Variants in CNTN5 observed in about 807,000 individuals in gnomAD.
The protein encoded by CNTN5 is contactin 5.
Under a neutral mutation model 129.1 loss-of-function variants are expected in CNTN5, and 77 were observed. That is an observed-to-expected ratio of 0.60 (90% CI 0.50 to 0.72). CNTN5 has a LOEUF of 0.72. Among genes scored for constraint, CNTN5 ranks in the 30% least tolerant of loss-of-function variants. CNTN5 has a pLI of 0.00. For synonymous variants in CNTN5, 509 were observed against 465.6 expected (o/e 1.09, Z -1.20); for missense variants, 1,478 against 1,328.8 (o/e 1.11, Z -1.75).
At chr11:99,462,419 G>A in intron 2 of CNTN5, among the ~76,000 whole-genome samples, 1 of 138,546 alleles carries the variant, frequency 7.2e-6, no homozygotes. Flanking sequence ...AATTTCTAGA[G>A]AGACTTCTTC....
At chr11:99,748,492 C>T (rs548549552) in intron 3 of CNTN5, among the ~76,000 whole-genome samples, 1 of 151,954 alleles carries the variant, frequency 6.6e-6, no homozygotes, top group Non-Finnish European at 1.5e-5. Context: ...ATTCTGGAGT[C>T]CAGAAAGTTC....
chr11:99,974,593 C>A (rs1937810329), intron 8 of CNTN5, among the ~76,000 whole-genome samples: 2 of 152,072 alleles, frequency 1.3e-5, no homozygotes, highest in South Asian at 4.1e-4. Flanking sequence ...AGGAAAGAAT[C>A]CATCAAATTT....
chr11:99,575,457 C>G (rs1407101940), intron 3 of CNTN5, among the ~76,000 whole-genome samples: 3 of 152,112 alleles, frequency 2.0e-5, no homozygotes, highest in Admixed American at 2.0e-4. Context: ...TACTCTACAT[C>G]TAAATGTTTA....
intron 2 of CNTN5, among the ~76,000 whole-genome samples, chr11:99,345,936 A>G (rs1019920047): frequency 1.3e-5 from 2 of 152,208 alleles, no homozygotes; most frequent in African/African-American, 4.8e-5. Context: ...CAAAAGATAC[A>G]TGAGAGATTA....
chr11:100,201,252 T>C (rs574604608), intron 15 of CNTN5, among the ~76,000 whole-genome samples: 1 of 152,142 alleles, frequency 6.6e-6, no homozygotes, highest in African/African-American at 2.4e-5. Context: ...TTTCTATTGA[T>C]TATCCTGTAA....
chr11:99,663,253 A>T (rs1952661865), intron 3 of CNTN5, among the ~76,000 whole-genome samples: 1 of 152,142 alleles, frequency 6.6e-6, no homozygotes, highest in African/African-American at 2.4e-5. Context: ...GCAGATCCTG[A>T]GGTCAGGAGT....
intron 2 of CNTN5, among the ~76,000 whole-genome samples, chr11:99,342,372 A>G (rs1475493501): frequency 6.6e-6 from 1 of 151,984 alleles, no homozygotes; most frequent in East Asian, 1.9e-4. Context: ...AACATAAAAC[A>G]AAGTAGGACA....
chr11:99,782,627 G>GCATGGTACTGGTACCA (rs1945353286), intron 3 of CNTN5, among the ~76,000 whole-genome samples: 1 of 151,882 alleles, frequency 6.6e-6, no homozygotes, highest in African/African-American at 2.4e-5. Flanking sequence ...TACCAAAACA[G>GCATGGTACTGGTACCA]AGATATAGAT....
At chr11:99,617,834 A>C (rs75246951) in intron 3 of CNTN5, among the ~76,000 whole-genome samples, 1 of 152,060 alleles carries the variant, frequency 6.6e-6, no homozygotes, top group Non-Finnish European at 1.5e-5. Flanking sequence ...CAGTTCATCT[A>C]TAGTGCCCTA....
chr11:99,390,395 C>A (rs2136186291), intron 2 of CNTN5, among the ~76,000 whole-genome samples: 1 of 152,170 alleles, frequency 6.6e-6, no homozygotes, highest in South Asian at 2.1e-4. Context: ...TGGGAAAAAC[C>A]TTTCTCTTTA....
intron 1 of CNTN5, among the ~76,000 whole-genome samples, chr11:99,233,283 T>C (rs1447834477): frequency 6.6e-6 from 1 of 152,210 alleles, no homozygotes; most frequent in Non-Finnish European, 1.5e-5. Context: ...ATAAAGTTGC[T>C]TTTTCTCTTA....
At chr11:99,443,625 G>GTATGCAGCA (rs1943932446) in intron 2 of CNTN5, among the ~76,000 whole-genome samples, 3 of 152,178 alleles carry the variant, frequency 2.0e-5, no homozygotes, top group Non-Finnish European at 4.4e-5. Context: ...CTCTGTTAGA[G>GTATGCAGCA]TATACGACTG....
chr11:100,277,089 C>T lies in CNTN5; in HGVS notation c.2314+5848C>T, dbSNP rs887786456. ...AACATGTGATGTTTGTCTTTCTGTG[C>T]CTGGCTTATTTCACTTAACATGATG... On this transcript the variant is annotated intron_variant, in intron 18 of 24. Transcript: ENST00000524871. Among the ~76,000 whole-genome samples the T allele has an allele frequency of 3.3e-5, 5 of 152,056 alleles. No homozygotes were observed. The East Asian group carries it at 9.7e-4, about 29-fold the overall frequency.
At chr11:100,008,413 A>C (rs549073151) in intron 9 of CNTN5, among the ~76,000 whole-genome samples, 14 of 152,078 alleles carry the variant, frequency 9.2e-5, no homozygotes, top group Non-Finnish European at 1.6e-4. Flanking sequence ...AGGTGTCAAA[A>C]TATAAGAGTT....
At chr11:99,867,206 A>G (rs966194500) in intron 6 of CNTN5, among the ~76,000 whole-genome samples, 4 of 152,158 alleles carry the variant, frequency 2.6e-5, no homozygotes, top group African/African-American at 2.4e-5. Context: ...TTTAAGACCT[A>G]TCTTTCCCAC....
At chr11:99,147,582 T>C (rs116260522) in intron 1 of CNTN5, among the ~76,000 whole-genome samples, 2,557 of 152,298 alleles carry the variant, frequency 0.017, 60 homozygotes, top group African/African-American at 0.057. Flanking sequence ...AAATTATGAA[T>C]AATATGTTTT....
chr11:99,598,357 TCTCTCTCTCTCTCTCTCC>T lies in CNTN5; in HGVS notation c.55+42101_55+42118del, dbSNP rs1225954305. Reference sequence around the variant, plus strand: ...CTCTCTCTCTCTCTCTCTCTCTCTCTCTCTCTCTCTCTCTCTCCCTCTCTCTCTCTGTCTCCTTCCTTC... The same window carrying T: ...CTCTCTCTCTCTCTCTCTCTCTCTCTCTCTCTCTCTCTGTCTCCTTCCTTC... On this transcript the variant is annotated intron_variant, in intron 3 of 24. Transcript: ENST00000524871. 1.5e-3 allele frequency among the ~76,000 whole-genome samples: 70 copies of T among 46,272 alleles called. 10 individuals carry two copies. Among genetic ancestry groups the T allele is most frequent in the East Asian group, 2.5e-3 (2 of 802 alleles). 30.4% of individuals were successfully genotyped at this position (46,272 alleles called of 152,430 possible). A position where few individuals can be genotyped will look rare whatever the true frequency, so the allele number is the denominator to read the frequency against.
At chr11:99,900,043 G>A (rs1462545770) in intron 6 of CNTN5, among the ~76,000 whole-genome samples, 1 of 151,798 alleles carries the variant, frequency 6.6e-6, no homozygotes, top group Non-Finnish European at 1.5e-5. Context: ...ACTAGTCTCT[G>A]TATCGGTTGT....
At chr11:99,083,384 TG>T (rs1310308508) in intron 1 of CNTN5, among the ~76,000 whole-genome samples, 3 of 152,210 alleles carry the variant, frequency 2.0e-5, no homozygotes, top group Non-Finnish European at 4.4e-5. Context: ...TTACGTCCTT[TG>T]GTATCAGGTG....
Sources: allele counts gnomAD v4.1 joint callset (sites outside exome capture counted in the v4.1 genomes callset), GRCh38; gene constraint gnomAD v4.1.1; transcripts MANE v1.5; gene names NCBI Gene and HGNC (gene_info 2026-07-23, HGNC 2026-07-21).